ACTN4: variants seen among roughly 807,000 people sequenced by gnomAD.
ACTN4 encodes the protein actinin alpha 4.
In ACTN4, 18 loss-of-function variants were observed where a neutral mutation model predicts 114.2. That is an observed-to-expected ratio of 0.16 (90% CI 0.11 to 0.23). The LOEUF (loss-of-function observed/expected upper bound fraction) is 0.23, where lower values mean the gene tolerates loss of function less well. ACTN4 is among the 10% of genes least tolerant of loss of function. The pLI is 1.00. For synonymous variants in ACTN4, 515 were observed against 506.3 expected (o/e 1.02, Z -0.23); for missense variants, 722 against 1,262.9 (o/e 0.57, Z 6.49).
At position 38,713,176 on chromosome 19, in the gene ACTN4, C is replaced by G. The variant is rs146965813; in HGVS notation, c.820-1293C>G. Among the ~76,000 whole-genome samples the G allele has an allele frequency of 5.6e-3, 856 of 152,296 alleles. 2 individuals are homozygous for G. Among genetic ancestry groups the G allele is most frequent in the Non-Finnish European group, 9.6e-3 (656 of 68,020 alleles). On this transcript the variant is annotated intron_variant, in intron 8 of 20. Transcript: ENST00000252699. ...TCTAGCGCCAGTGTGCCCATTCTGT[C>G]CTGAGATCATTTATTTCTAGTCACC...
chr19:38,673,581 A>G (rs1414113100), intron 1 of ACTN4, among the ~76,000 whole-genome samples: 2 of 117,516 alleles, frequency 1.7e-5, no homozygotes, highest in African/African-American at 3.2e-5. Flanking sequence ...ATATATTCAT[A>G]TATATTTATA....
rs537260259 is a variant in ACTN4, at chr19:38,727,630, C to G, written c.2338-316C>G. 2.4e-4 allele frequency among the ~76,000 whole-genome samples: 33 copies of G among 137,760 alleles called. No individual in the cohort carries two copies. Among genetic ancestry groups the G allele is most frequent in the Admixed American group, 1.4e-3 (19 of 13,814 alleles). 90.4% of individuals were successfully genotyped at this position (137,760 alleles called of 152,430 possible). ...CCAAATCCCAAAGGCAAGGAGAACC[C>G]CCCCCCCGACCCTCCACCAGTCCTG... On this transcript the variant is annotated intron_variant, in intron 18 of 20. Coordinates refer to ENST00000252699, the MANE Select transcript of ACTN4 (RefSeq NM_004924.6). This position sits in a 1 kb window ranked among gnomAD's most constrained non-coding sequence, Gnocchi z 5.4.
At chr19:38,679,371 C>T (rs1178155828) in intron 1 of ACTN4, among the ~76,000 whole-genome samples, 3 of 152,114 alleles carry the variant, frequency 2.0e-5, no homozygotes, top group Non-Finnish European at 4.4e-5. Context: ...TGCTGGTCCC[C>T]ACCTCACTCC....
intron 1 of ACTN4, among the ~76,000 whole-genome samples, chr19:38,694,689 TAAGC>T (rs1968035045): frequency 6.6e-6 from 1 of 151,948 alleles, no homozygotes. Context: ...TGTGTGACAT[TAAGC>T]AAGTCACTGA....
At position 38,677,182 on chromosome 19, in the gene ACTN4, G is replaced by T. The variant is rs529747826; in HGVS notation, c.163-23418G>T. Among the ~76,000 whole-genome samples the T allele has an allele frequency of 3.3e-5, 5 of 151,802 alleles. No individual in the cohort carries two copies. The South Asian group carries it at 1.0e-3, about 31-fold the overall frequency. Reference sequence around the variant, plus strand: ...GTCGCACCTGACACCTCCAGCCTAGGTTAGGAGCATGTCCATCACCTCTAC... The same window carrying T: ...GTCGCACCTGACACCTCCAGCCTAGTTTAGGAGCATGTCCATCACCTCTAC... On this transcript the variant is annotated intron_variant, in intron 1 of 20. Coordinates refer to ENST00000252699, the MANE Select transcript of ACTN4 (RefSeq NM_004924.6).
chr19:38,728,876 C>T (rs548938458), intron 19 of ACTN4, 120 bp from the exon 20 acceptor site: 397 of 1,286,490 alleles, frequency 3.1e-4, no homozygotes, highest in Non-Finnish European at 4.1e-4. Flanking sequence ...ACAGGGCGCA[C>T]GCACACGTGG....
chr19:38,711,993 T>C (rs1018944033), intron 8 of ACTN4, among the ~76,000 whole-genome samples: 2 of 152,204 alleles, frequency 1.3e-5, no homozygotes, highest in African/African-American at 2.4e-5. Context: ...TGCCTTGTGG[T>C]CTCTGAAGTA....
At chr19:38,696,202 TTAA>T (rs1488012480) in intron 1 of ACTN4, among the ~76,000 whole-genome samples, 1 of 152,154 alleles carries the variant, frequency 6.6e-6, no homozygotes, top group Non-Finnish European at 1.5e-5. Flanking sequence ...GATCGCTTGA[TTAA>T]TGAGATCAGA....
At chr19:38,686,397 C>T (rs1432021038) in intron 1 of ACTN4, among the ~76,000 whole-genome samples, 1 of 149,142 alleles carries the variant, frequency 6.7e-6, no homozygotes. Context: ...GAAACCTGAG[C>T]TTAGCTGTAA....
At chr19:38,700,736 T>A in intron 2 of ACTN4, 22 bp downstream of exon 2, 1 of 1,600,580 alleles carries the variant, frequency 6.2e-7, no homozygotes, top group Non-Finnish European at 8.6e-7. Context: ...AGCCACGCAG[T>A]GCGGCCGAGC....
chr19:38,685,657 G>A (rs1307968653), intron 1 of ACTN4, among the ~76,000 whole-genome samples: 1 of 152,134 alleles, frequency 6.6e-6, no homozygotes, highest in African/African-American at 2.4e-5. Flanking sequence ...CAGGGACCGA[G>A]TATGCATGAA....
Position 38,725,867 on chromosome 19 carries a change from C to T in ACTN4, c.2154C>T (p.Leu718=). The part of the protein sequence containing the change: ...EQQHQLIQEA[L]IFDNKHTNYT... ...AGCACCAGCTCATCCAGGAGGCCCTCATCTTCGACAACAAGCACACCAACT... is the reference window on the plus strand; with the variant it reads ...AGCACCAGCTCATCCAGGAGGCCCTTATCTTCGACAACAAGCACACCAACT... Residue 718 remains leucine (L), a synonymous_variant, in exon 17 of 21, where the codon CTC becomes CTT. Coordinates refer to ENST00000252699, the MANE Select transcript of ACTN4 (RefSeq NM_004924.6). 1.2e-6 allele frequency: 2 copies of T among 1,614,176 alleles called. No individual in the cohort carries two copies. Among genetic ancestry groups the T allele is most frequent in the African/African-American group, 1.3e-5 (1 of 75,074 alleles).
intron 3 of ACTN4, among the ~76,000 whole-genome samples, chr19:38,704,251 C>T (rs749618688): frequency 3.9e-5 from 6 of 152,374 alleles, no homozygotes; most frequent in Middle Eastern, 3.4e-3. Context: ...GTCAAGGCTG[C>T]AGTGAGCTAT....
At chr19:38,657,774 C>A (rs776011661) in intron 1 of ACTN4, among the ~76,000 whole-genome samples, 1 of 152,020 alleles carries the variant, frequency 6.6e-6, no homozygotes, top group African/African-American at 2.4e-5. Flanking sequence ...CTGAGGGGGA[C>A]GTCACAATAA....
intron 1 of ACTN4, among the ~76,000 whole-genome samples, chr19:38,700,067 G>A (rs757696445): frequency 6.6e-5 from 10 of 152,176 alleles, no homozygotes; most frequent in Non-Finnish European, 1.3e-4. Context: ...GAGCAGCCAC[G>A]GGTCACGGAA....
intron 1 of ACTN4, among the ~76,000 whole-genome samples, chr19:38,695,662 T>A (rs1353488490): frequency 6.6e-6 from 1 of 152,020 alleles, no homozygotes; most frequent in Non-Finnish European, 1.5e-5. Context: ...TTTACTCCCT[T>A]CCTTCTCGGA....
At chr19:38,688,390 CAA>C (rs35793948) in intron 1 of ACTN4, among the ~76,000 whole-genome samples, 5 of 81,130 alleles carry the variant, frequency 6.2e-5, no homozygotes, top group South Asian at 8.5e-4. Context: ...TTGTCTCTAC[CAA>C]AAAAAAAAAA....
intron 1 of ACTN4, among the ~76,000 whole-genome samples, chr19:38,680,622 T>C (rs1967534833): frequency 6.6e-6 from 1 of 152,130 alleles, no homozygotes; most frequent in African/African-American, 2.4e-5. Flanking sequence ...GAGACCAAAC[T>C]CATTTTCAAG....
intron 13 of ACTN4, 94 bp downstream of exon 13, chr19:38,723,816 A>G (rs1599856612): frequency 1.4e-6 from 2 of 1,452,736 alleles, no homozygotes; most frequent in Non-Finnish European, 1.9e-6. Flanking sequence ...AGCTCCCCCC[A>G]CCTCCCACGG....
Sources: allele counts gnomAD v4.1 joint callset (sites outside exome capture counted in the v4.1 genomes callset), GRCh38; gene constraint gnomAD v4.1.1; non-coding constraint Gnocchi (gnomAD v3.1); transcripts MANE v1.5; gene names NCBI Gene and HGNC (gene_info 2026-07-23, HGNC 2026-07-21).